VSIG10: variants seen among roughly 807,000 people sequenced by gnomAD.
The protein encoded by VSIG10 is V-set and immunoglobulin domain containing 10.
VSIG10 carries 48 observed loss-of-function variants against 58.7 expected under a neutral mutation model. The ratio of observed to expected loss-of-function variants is 0.82; its 90% CI spans 0.65 to 1.04. The LOEUF is 1.04. Ranked by LOEUF, VSIG10 falls within the 50% of genes least tolerant of loss-of-function variation. The pLI is 0.00. For synonymous variants in VSIG10, 260 were observed against 267.1 expected, an observed-to-expected ratio of 0.97 and a Z score of 0.26; for missense variants, 628 against 670.0, an observed-to-expected ratio of 0.94 and a Z score of 0.69.
intron 1 of VSIG10, 106 bp from the exon 2 acceptor site, chr12:118,095,920 G>GTTT: frequency 4.0e-6 from 3 of 749,408 alleles, no homozygotes; most frequent in South Asian, 2.4e-5. Flanking sequence ...TCAGGTATAT[G>GTTT]TTCTTTTTTT....
intron 4 of VSIG10, among the ~76,000 whole-genome samples, chr12:118,075,142 ATG>A (rs2032666876): frequency 3.7e-5 from 5 of 133,862 alleles, no homozygotes; most frequent in Admixed American, 1.6e-4. Flanking sequence ...ATATGTATAT[ATG>A]TGTATATGTA....
chr12:118,076,802 C>CA (rs1188950109), intron 4 of VSIG10, among the ~76,000 whole-genome samples: 5 of 151,698 alleles, frequency 3.3e-5, no homozygotes, highest in Non-Finnish European at 7.4e-5. Context: ...ATTATAGGTG[C>CA]ATACCACCAT....
chr12:118,090,439 T>C (rs2033260111), intron 2 of VSIG10, among the ~76,000 whole-genome samples: 1 of 152,314 alleles, frequency 6.6e-6, no homozygotes, highest in East Asian at 1.9e-4. Context: ...ATACCAAAGG[T>C]TAGGACTTCC....
intron 2 of VSIG10, among the ~76,000 whole-genome samples, chr12:118,089,007 G>A (rs1379423857): frequency 1.3e-5 from 2 of 150,442 alleles, no homozygotes; most frequent in Non-Finnish European, 3.0e-5. Context: ...GGGTGCAGTG[G>A]TGCCATCTCG....
chr12:118,098,631 C>A (rs896216209), intron 1 of VSIG10, among the ~76,000 whole-genome samples: 7 of 152,118 alleles, frequency 4.6e-5, no homozygotes, highest in African/African-American at 1.7e-4. Context: ...AGAGAAAGGG[C>A]TCCTAAGTCC....
At chr12:118,082,004 G>C in intron 3 of VSIG10, 123 bp downstream of exon 3, 1 of 1,147,378 alleles carries the variant, frequency 8.7e-7, no homozygotes, top group Non-Finnish European at 1.2e-6. Flanking sequence ...GCAAGAAGAG[G>C]GAAACTCCAT....
In VSIG10 at chr12:118,097,623, G is replaced by C. The variant is rs867220914; in HGVS notation, c.80-1809C>G. 4.7e-5 allele frequency among the ~76,000 whole-genome samples: 7 copies of C among 150,292 alleles called. No homozygotes were observed. The South Asian group carries it at 1.1e-3, about 23-fold the overall frequency. On this transcript the variant is annotated intron_variant, in intron 1 of 8. Transcript: ENST00000359236. ...GGGCAAGACTCTGTCTCAAAAACAA[G>C]AAACAAACAAACAAACAAACAAAAG...
intron 2 of VSIG10, among the ~76,000 whole-genome samples, chr12:118,083,380 C>T (rs1020263337): frequency 2.6e-5 from 4 of 151,946 alleles, no homozygotes; most frequent in African/African-American, 9.7e-5. Context: ...GAGTTTGAGA[C>T]CAGCCTGGCT....
chr12:118,097,991 T>C (rs1437132921), intron 1 of VSIG10, among the ~76,000 whole-genome samples: 1 of 152,030 alleles, frequency 6.6e-6, no homozygotes, highest in African/African-American at 2.4e-5. Flanking sequence ...CCTGGCCCAT[T>C]CTAGATCAGC....
intron 2 of VSIG10, among the ~76,000 whole-genome samples, chr12:118,088,427 A>G (rs756818909): frequency 6.6e-6 from 1 of 152,076 alleles, no homozygotes; most frequent in Non-Finnish European, 1.5e-5. Context: ...GTTACCCTCA[A>G]TTTCACAGAC....
Position 118,103,885 on chromosome 12 carries a change from G to T in VSIG10, c.-214C>A, listed in dbSNP as rs1184621989. ...GCTGCAGGCTCGGGTCCCCGCTCCC[G>T]AGCGCCCTGGCCGGGGAGGGAGGGC... On this transcript the variant is annotated 5_prime_UTR_variant, in exon 1 of 9. Transcript: ENST00000359236. 4.6e-6 allele frequency: 2 copies of T among 438,760 alleles called. No homozygotes were observed. The highest frequency in any genetic ancestry group is 1.1e-4 in the South Asian group (2 of 18,422). 27.2% of individuals were successfully genotyped at this position (438,760 alleles called of 1,614,324 possible).
At chr12:118,082,033 A>G (rs1365480218) in intron 3 of VSIG10, 94 bp downstream of exon 3, 2 of 1,328,172 alleles carry the variant, frequency 1.5e-6, no homozygotes, top group Admixed American at 2.9e-5. Context: ...AAAAAAAAAA[A>G]AAAAAGACAA....
In VSIG10 at chr12:118,073,831, T is replaced by C; in HGVS notation, c.1087A>G (p.Ile363Val). ...GTGGAGTTCTGGCCATCCTGGGTAATGAGATGGCGGCTGCTAGGCTGGATG... is the reference window on the plus strand; with the variant it reads ...GTGGAGTTCTGGCCATCCTGGGTAACGAGATGGCGGCTGCTAGGCTGGATG... Reference protein sequence around the residue: ...VIIQPSSRHLITQDGQNSTLT... With the variant: ...VIIQPSSRHLVTQDGQNSTLT... The change falls in exon 5 of 9, where the codon ATT becomes GTT. Residue 363 changes from isoleucine (I) to valine (V), a missense_variant. Transcript: ENST00000359236. The C allele has an allele frequency of 1.2e-6, 2 of 1,613,456 alleles. No individual in the cohort carries two copies. Among genetic ancestry groups the C allele is most frequent in the Middle Eastern group, 1.6e-4 (1 of 6,062 alleles).
rs117370594 is a variant in VSIG10, at chr12:118,077,176, G to A, written c.925+2170C>T. Among the ~76,000 whole-genome samples, 17 of 152,138 alleles carry A rather than the reference G, an allele frequency of 1.1e-4. No individual in the cohort carries two copies. In the East Asian group the frequency reaches 2.9e-3, roughly 26 times the overall value. On this transcript the variant is annotated intron_variant, in intron 4 of 8. Coordinates refer to ENST00000359236, the MANE Select transcript of VSIG10 (RefSeq NM_019086.6). The stretch of plus-strand genomic sequence containing the variant: ...ATCAGTACTTTACACACGATGCCCC[G>A]GCCACACTGGTCTTCTCTCGGGTCC...
At position 118,063,941 on chromosome 12, in the gene VSIG10, A is replaced by G. The variant is rs2032161149; in HGVS notation, c.*2698T>C. The G allele has an allele frequency of 6.6e-6, 1 of 152,176 alleles. No homozygotes were observed. Among genetic ancestry groups the G allele is most frequent in the Non-Finnish European group, 1.5e-5 (1 of 68,028 alleles). The allele number at this position is 152,176 out of a possible 1,614,324, so 9.4% of individuals were successfully genotyped here. A position where few individuals can be genotyped will look rare whatever the true frequency, so the allele number is the denominator to read the frequency against. ...ACAGAATTGTGGAGGCCCCCTTCCC[A>G]GGCTCCACCAGGGTTTGAGAAAAAC... On this transcript the variant is annotated 3_prime_UTR_variant, in exon 9 of 9. Transcript: ENST00000359236.
rs142923228 is a variant in VSIG10 at position 118,099,344 on chromosome 12, C to T, written c.80-3530G>A. Among the ~76,000 whole-genome samples the T allele has an allele frequency of 8.6e-3, 1,313 of 152,050 alleles. 20 individuals are homozygous for T. The highest frequency in any genetic ancestry group is 0.03 in the African/African-American group (1,255 of 41,466). On this transcript the variant is annotated intron_variant, in intron 1 of 8. Transcript: ENST00000359236. ...TGGGGTGGGGGGTCTCACTATGTTG[C>T]CCAGGCTGGTCTTTGAACTCCTGGA...
chr12:118,097,296 T>C (rs2033489413), intron 1 of VSIG10, among the ~76,000 whole-genome samples: 1 of 152,142 alleles, frequency 6.6e-6, no homozygotes, highest in Non-Finnish European at 1.5e-5. Context: ...TGTTTGTCTA[T>C]AATCACTACA....
At chr12:118,098,601 A>C (rs2033537828) in intron 1 of VSIG10, among the ~76,000 whole-genome samples, 1 of 152,190 alleles carries the variant, frequency 6.6e-6, no homozygotes, top group Admixed American at 6.5e-5. Context: ...GCAGTGTGAT[A>C]AACACCAAGA....
chr12:118,084,944 G>A (rs535920981), intron 2 of VSIG10, among the ~76,000 whole-genome samples: 14 of 152,248 alleles, frequency 9.2e-5, no homozygotes, highest in East Asian at 5.8e-4. Context: ...GTGTGAACCC[G>A]GGAGGCGGAG....
Sources: allele counts gnomAD v4.1 joint callset (sites outside exome capture counted in the v4.1 genomes callset), GRCh38; gene constraint gnomAD v4.1.1; transcripts MANE v1.5; gene names NCBI Gene and HGNC (gene_info 2026-07-23, HGNC 2026-07-21).